Variants in KCNH5 observed in about 807,000 individuals in gnomAD.
KCNH5 encodes the protein potassium voltage-gated channel subfamily H member 5.
KCNH5 carries 46 observed loss-of-function variants against 96.1 expected under a neutral mutation model. That is an observed-to-expected ratio of 0.48 (90% CI 0.38 to 0.61). The LOEUF is 0.61. KCNH5 is among the 20% of genes least tolerant of loss of function. KCNH5 has a pLI of 0.00. For synonymous variants in KCNH5, 439 were observed against 449.8 expected (o/e 0.98, Z 0.30); for missense variants, 907 against 1,225.8 (o/e 0.74, Z 3.88).
intron 10 of KCNH5, among the ~76,000 whole-genome samples, chr14:62,739,110 A>T (rs1885219634): frequency 6.6e-6 from 1 of 152,168 alleles, no homozygotes; most frequent in South Asian, 2.1e-4. Flanking sequence ...ATGAATATTT[A>T]AGGATCATCC....
intron 5 of KCNH5, 39 bp from the exon 6 acceptor site, chr14:62,981,303 T>A: frequency 3.1e-6 from 5 of 1,588,012 alleles, no homozygotes; most frequent in Non-Finnish European, 3.5e-6. Context: ...GACTAGGTTA[T>A]CTCTGCACAG....
At chr14:62,952,771 T>C (rs1384863194) in intron 6 of KCNH5, among the ~76,000 whole-genome samples, 2 of 152,098 alleles carry the variant, frequency 1.3e-5, no homozygotes, top group Non-Finnish European at 2.9e-5. Flanking sequence ...AGTTAGGACC[T>C]ACTAGAATGA....
At chr14:62,883,621 G>A (rs1490820616) in intron 7 of KCNH5, among the ~76,000 whole-genome samples, 1 of 152,062 alleles carries the variant, frequency 6.6e-6, no homozygotes, top group East Asian at 1.9e-4. Flanking sequence ...GAAAATTTAT[G>A]TTAGAATACA....
chr14:62,968,966 T>C (rs1256455933), intron 6 of KCNH5, among the ~76,000 whole-genome samples: 3 of 152,124 alleles, frequency 2.0e-5, no homozygotes, highest in Non-Finnish European at 4.4e-5. Flanking sequence ...AATCCAATAC[T>C]CAATATAAAT....
intron 10 of KCNH5, among the ~76,000 whole-genome samples, chr14:62,736,728 T>A (rs1885165600): frequency 6.6e-6 from 1 of 152,208 alleles, no homozygotes; most frequent in African/African-American, 2.4e-5. Context: ...TCTTAGTCTG[T>A]AAGAGAAAGC....
At chr14:62,911,987 G>A (rs543910934) in intron 7 of KCNH5, among the ~76,000 whole-genome samples, 8 of 143,108 alleles carry the variant, frequency 5.6e-5, no homozygotes, top group East Asian at 2.1e-4. Context: ...GCAGTGAGCC[G>A]AGATCATGCC....
At chr14:62,788,199 T>C (rs756126729) in intron 9 of KCNH5, among the ~76,000 whole-genome samples, 3 of 152,124 alleles carry the variant, frequency 2.0e-5, no homozygotes, top group Non-Finnish European at 4.4e-5. Context: ...TAACAGGAGT[T>C]TGGAAGAAGT....
Position 62,762,667 on chromosome 14 carries a change from A to T in KCNH5, c.2019+17061T>A, listed in dbSNP as rs1412453725. Among the ~76,000 whole-genome samples the T allele has an allele frequency of 4.6e-5, 7 of 152,306 alleles. 1 individual carries two copies. In the East Asian group the frequency reaches 1.4e-3, roughly 29 times the overall value. On this transcript the variant is annotated intron_variant, in intron 10 of 10. Transcript: ENST00000322893. ...CACATGCAATGACATCCACAGGCTC[A>T]AAGTAAAGGGATGGAGAAAAATCTA...
chr14:62,871,330 C>T (rs1376353719), intron 7 of KCNH5, among the ~76,000 whole-genome samples: 1 of 152,136 alleles, frequency 6.6e-6, no homozygotes, highest in Non-Finnish European at 1.5e-5. Context: ...GGGCACCAAA[C>T]CCAATACTGG....
intron 7 of KCNH5, among the ~76,000 whole-genome samples, chr14:62,943,751 T>C (rs1889833862): frequency 6.6e-6 from 1 of 152,060 alleles, no homozygotes; most frequent in African/African-American, 2.4e-5. Context: ...TGGGGAGTAA[T>C]GGCTGCCACC....
At chr14:62,882,999 C>T (rs561106107) in intron 7 of KCNH5, among the ~76,000 whole-genome samples, 26 of 152,270 alleles carry the variant, frequency 1.7e-4, no homozygotes, top group Admixed American at 7.2e-4. Flanking sequence ...TGCAATGATA[C>T]GCTTCTACAG....
intron 8 of KCNH5, among the ~76,000 whole-genome samples, chr14:62,823,998 C>T (rs183120755): frequency 6.6e-6 from 1 of 151,234 alleles, no homozygotes; most frequent in East Asian, 1.9e-4. Flanking sequence ...TGATAAAACA[C>T]AAAAAGCAAA....
intron 7 of KCNH5, among the ~76,000 whole-genome samples, chr14:62,892,283 T>C (rs994843420): frequency 6.6e-6 from 1 of 152,260 alleles, no homozygotes; most frequent in African/African-American, 2.4e-5. Context: ...ATGATCTGGA[T>C]AGAAAATCAA....
chr14:63,019,895 C>A (rs1891393291), intron 1 of KCNH5, among the ~76,000 whole-genome samples: 4 of 151,992 alleles, frequency 2.6e-5, no homozygotes, highest in Admixed American at 2.0e-4. Flanking sequence ...GAAATGGAAA[C>A]CTACAGCCTG....
intron 7 of KCNH5, among the ~76,000 whole-genome samples, chr14:62,935,362 C>T (rs2140118950): frequency 6.6e-6 from 1 of 152,150 alleles, no homozygotes; most frequent in South Asian, 2.1e-4. Flanking sequence ...GCCTTTGTGG[C>T]TCCATTTTAG....
intron 10 of KCNH5, among the ~76,000 whole-genome samples, chr14:62,753,306 GAGAAAAAAGA>G (rs745584985): frequency 6.6e-5 from 10 of 151,834 alleles, no homozygotes; most frequent in South Asian, 2.1e-4. Context: ...ATAGACAGAA[GAGAAAAAAGA>G]AGAAAAAAGA....
chr14:62,967,886 T>C (rs568819652), intron 6 of KCNH5, among the ~76,000 whole-genome samples: 3 of 152,320 alleles, frequency 2.0e-5, no homozygotes, highest in East Asian at 3.9e-4. Context: ...TGCTTAACAA[T>C]AGGAACAATT....
intron 8 of KCNH5, among the ~76,000 whole-genome samples, chr14:62,820,028 G>A (rs1887083096): frequency 6.6e-6 from 1 of 152,140 alleles, no homozygotes; most frequent in African/African-American, 2.4e-5. Flanking sequence ...ATGTATAGGA[G>A]GTTGCATTTA....
intron 3 of KCNH5, 47 bp downstream of exon 3, chr14:63,006,319 A>T: frequency 8.5e-7 from 1 of 1,181,234 alleles, no homozygotes; most frequent in Non-Finnish European, 1.3e-6. Flanking sequence ...ACCAAACATA[A>T]TATTAATAAA....
Sources: allele counts gnomAD v4.1 joint callset (sites outside exome capture counted in the v4.1 genomes callset), GRCh38; gene constraint gnomAD v4.1.1; transcripts MANE v1.5; gene names NCBI Gene and HGNC (gene_info 2026-07-23, HGNC 2026-07-21).